ARHGAP26: variants seen among roughly 807,000 people sequenced by gnomAD.
The protein encoded by ARHGAP26 is Rho GTPase activating protein 26.
A neutral mutation model predicts 104.8 loss-of-function variants in ARHGAP26; 38 were observed. The observed-to-expected ratio is 0.36, with a 90% CI of 0.28 to 0.48. The LOEUF is 0.48. Ranked by LOEUF, ARHGAP26 falls within the 20% of genes least tolerant of loss-of-function variation. The pLI is 0.99. For missense variants in ARHGAP26, 704 were observed against 947.9 expected (o/e 0.74, Z 3.38); for synonymous variants, 341 against 340.0 (o/e 1.00, Z -0.03).
chr5:143,041,651 T>G, intron 13 of ARHGAP26, 165 bp from the exon 14 acceptor site: 1 of 602,834 alleles, frequency 1.7e-6, no homozygotes, highest in Non-Finnish European at 3.0e-6. Context: ...CAAATCCCAC[T>G]CGTTTGCTAA....
rs1759198909 is a variant in ARHGAP26 at position 142,894,559 on chromosome 5, C to T, written c.597+211C>T. On this transcript the variant is annotated intron_variant, in intron 6 of 22. Transcript: ENST00000645722. The stretch of plus-strand genomic sequence containing the variant: ...ACAACACATAGCAATGGAGATAGAG[C>T]GTCCAGCAGTCATTCCTTCCTCTGG... Among the ~76,000 whole-genome samples, 7 of 152,286 alleles carry T rather than the reference C, an allele frequency of 4.6e-5. No homozygotes were observed. The South Asian group carries it at 1.2e-3, about 27-fold the overall frequency.
intron 14 of ARHGAP26, 48 bp downstream of exon 14, chr5:143,041,938 C>A: frequency 2.0e-6 from 3 of 1,521,384 alleles, no homozygotes; most frequent in Non-Finnish European, 2.7e-6. Context: ...ATGGGGGGCC[C>A]ACTCTGAAAA....
intron 1 of ARHGAP26, among the ~76,000 whole-genome samples, chr5:142,826,056 C>T (rs1488843157): frequency 6.6e-6 from 1 of 152,212 alleles, no homozygotes; most frequent in East Asian, 1.9e-4. Flanking sequence ...CTCTGTGCTT[C>T]ATTGATAGAA....
intron 1 of ARHGAP26, among the ~76,000 whole-genome samples, chr5:142,822,780 A>G (rs1766457365): frequency 6.6e-6 from 1 of 152,150 alleles, no homozygotes; most frequent in Non-Finnish European, 1.5e-5. Flanking sequence ...CTTGGACATT[A>G]TATTGGTTAT....
At chr5:143,003,362 G>A (rs1205892145) in intron 11 of ARHGAP26, among the ~76,000 whole-genome samples, 1 of 152,186 alleles carries the variant, frequency 6.6e-6, no homozygotes, top group Non-Finnish European at 1.5e-5. Flanking sequence ...AGGATAATTT[G>A]CTCATCAAGG....
intron 10 of ARHGAP26, among the ~76,000 whole-genome samples, chr5:142,922,811 G>A (rs1763375635): frequency 6.6e-6 from 1 of 152,128 alleles, no homozygotes; most frequent in Admixed American, 6.5e-5. Context: ...CCTGGTTTCA[G>A]ACTTCCCCTC....
In ARHGAP26 at chr5:142,854,107, A is replaced by C. The variant is rs184801825; in HGVS notation, c.155-19293A>C. Among the ~76,000 whole-genome samples the C allele has an allele frequency of 5.0e-4, 76 of 152,364 alleles. 3 individuals are homozygous for C. The East Asian group carries it at 8.7e-3, about 17-fold the overall frequency. ...TTATGTTTTTAAAAGCTTGTCACAC[A>C]AAAAACTGCATGTGTTTAATGGCAC... On this transcript the variant is annotated intron_variant, in intron 1 of 22. Transcript: ENST00000645722.
chr5:143,027,553 A>AT (rs1268174619), intron 12 of ARHGAP26, among the ~76,000 whole-genome samples: 1 of 151,692 alleles, frequency 6.6e-6, no homozygotes, highest in Non-Finnish European at 1.5e-5. Context: ...CAATTCATCC[A>AT]TTTTTTACCT....
chr5:143,087,636 C>CTTTT (rs35201189), intron 17 of ARHGAP26, among the ~76,000 whole-genome samples: 28,323 of 51,322 alleles, frequency 0.55, 11,926 homozygotes, highest in Non-Finnish European at 0.7. Flanking sequence ...CTGGCCCATT[C>CTTTT]TTTTTTTTTT....
chr5:142,836,776 A>G (rs1326701418), intron 1 of ARHGAP26, among the ~76,000 whole-genome samples: 1 of 152,230 alleles, frequency 6.6e-6, no homozygotes, highest in East Asian at 1.9e-4. Context: ...CCTTTGGATC[A>G]GATACCATAC....
Position 143,133,964 on chromosome 5 carries a change from C to T in ARHGAP26, c.1699-3C>T, listed in dbSNP as rs563634951. On this transcript the variant is annotated splice_polypyrimidine_tract_variant and splice_region_variant and intron_variant, in intron 18 of 22. Coordinates refer to ENST00000645722, the MANE Select transcript of ARHGAP26 (RefSeq NM_001135608.3). ...TAACCTTGTTGTGAAACTTCGTTTG[C>T]AGATATTTAACACCGTGCCCGATAT... 2.2e-4 allele frequency: 356 copies of T among 1,604,990 alleles called. 5 individuals are homozygous for T. The South Asian group carries it at 3.8e-3, about 17-fold the overall frequency.
chr5:142,947,812 C>T (rs1767393587), intron 11 of ARHGAP26, among the ~76,000 whole-genome samples: 1 of 152,066 alleles, frequency 6.6e-6, no homozygotes, highest in Non-Finnish European at 1.5e-5. Context: ...TAGAACAGCC[C>T]CTGGCCAAGA....
intron 20 of ARHGAP26, among the ~76,000 whole-genome samples, chr5:143,184,638 G>C (rs1329924626): frequency 2.6e-5 from 4 of 152,174 alleles, no homozygotes; most frequent in South Asian, 2.1e-4. Context: ...TCTCTCATCG[G>C]CCCCCTTGTT....
In ARHGAP26 at chr5:143,142,288, G is replaced by A. The variant is rs906172027; in HGVS notation, c.1838-4943G>A. On this transcript the variant is annotated intron_variant, in intron 19 of 22. Coordinates refer to ENST00000645722, the MANE Select transcript of ARHGAP26 (RefSeq NM_001135608.3). ...TGAGTAGCTGGGACTGCATGCGCCC[G>A]CCACCACGCCCAGCTAAATTTTGTA... Among the ~76,000 whole-genome samples, 10 of 151,620 alleles carry A rather than the reference G, an allele frequency of 6.6e-5. 1 individual carries two copies. In the South Asian group the frequency reaches 8.3e-4, roughly 13 times the overall value.
intron 1 of ARHGAP26, among the ~76,000 whole-genome samples, chr5:142,825,027 A>G (rs754522100): frequency 6.6e-6 from 1 of 152,198 alleles, no homozygotes; most frequent in Non-Finnish European, 1.5e-5. Context: ...AGTGTCTCCT[A>G]TATGTAAGAA....
intron 9 of ARHGAP26, among the ~76,000 whole-genome samples, chr5:142,912,071 A>G (rs189668047): frequency 2.7e-4 from 41 of 152,326 alleles, no homozygotes; most frequent in Middle Eastern, 3.4e-3. Context: ...TAGATAAAAA[A>G]GATTGACAGA....
intron 21 of ARHGAP26, among the ~76,000 whole-genome samples, chr5:143,209,586 G>C (rs979606284): frequency 6.6e-6 from 1 of 152,138 alleles, no homozygotes; most frequent in Non-Finnish European, 1.5e-5. Flanking sequence ...TTCAAGACCA[G>C]CCTGGACAAC....
Position 142,938,643 on chromosome 5 carries a change from T to C in ARHGAP26, c.1107+6518T>C, listed in dbSNP as rs192839637. Among the ~76,000 whole-genome samples the C allele has an allele frequency of 1.1e-4, 16 of 152,298 alleles. No homozygotes were observed. The East Asian group carries it at 2.9e-3, about 28-fold the overall frequency. ...CATTGCCAACATATACACACCCAAC[T>C]TGAAGTATTTAATATCCATCTGCTA... On this transcript the variant is annotated intron_variant, in intron 11 of 22. Transcript: ENST00000645722.
intron 12 of ARHGAP26, among the ~76,000 whole-genome samples, chr5:143,018,120 C>T (rs1779837472): frequency 1.3e-5 from 2 of 152,178 alleles, no homozygotes; most frequent in African/African-American, 2.4e-5. Context: ...ATTCATAGGC[C>T]TGTTAGTTTA....
Sources: allele counts gnomAD v4.1 joint callset (sites outside exome capture counted in the v4.1 genomes callset), GRCh38; gene constraint gnomAD v4.1.1; transcripts MANE v1.5; gene names NCBI Gene and HGNC (gene_info 2026-07-23, HGNC 2026-07-21).